WDPCP: variants seen among roughly 807,000 people sequenced by gnomAD.
WDPCP encodes WD repeat containing planar cell polarity effector.
In WDPCP, 71 loss-of-function variants were observed where a neutral mutation model predicts 93.1. The observed-to-expected ratio is 0.76, with a 90% confidence interval of 0.63 to 0.93. WDPCP has a LOEUF of 0.93. Among genes scored for constraint, WDPCP ranks in the 40% least tolerant of loss-of-function variants. WDPCP has a pLI of 0.00. For missense variants in WDPCP, 844 were observed against 887.4 expected (o/e 0.95, Z 0.62); for synonymous variants, 315 against 315.0 (o/e 1.00, Z 0.00).
intron 2 of WDPCP, among the ~76,000 whole-genome samples, chr2:63,807,611 A>AT: frequency 6.6e-6 from 1 of 152,358 alleles, no homozygotes; most frequent in East Asian, 1.9e-4. Flanking sequence ...ATTCTTAATA[A>AT]ATAAATATAA....
In WDPCP at chr2:63,603,655, CTTTTTTT is replaced by C. The variant is rs11297982; in HGVS notation, n.488+46997_488+47003del. Among the ~76,000 whole-genome samples, 6 of 99,110 alleles carry C rather than the reference CTTTTTTT, an allele frequency of 6.1e-5. No homozygotes were observed. In the East Asian group the frequency reaches 2.0e-3, roughly 33 times the overall value. The allele number at this position is 99,110 out of a possible 152,430, so 65.0% of individuals were successfully genotyped here. A position where few individuals can be genotyped will look rare whatever the true frequency, so the allele number is the denominator to read the frequency against. ...TTTATTTAAATCTACCAAGACATTTCTTTTTTTTTTTTTTTTTTTTTTGAGACAGTCT... is the reference window on the plus strand; with the variant it reads ...TTTATTTAAATCTACCAAGACATTTCTTTTTTTTTTTTTTTGAGACAGTCT... On this transcript the variant is annotated intron_variant and non_coding_transcript_variant, in intron 3 of 4. Transcript: ENST00000467687.
intron 1 of WDPCP, among the ~76,000 whole-genome samples, chr2:63,560,542 T>C (rs925995046): frequency 1.3e-5 from 2 of 152,232 alleles, no homozygotes; most frequent in African/African-American, 2.4e-5. Context: ...CATACGTTTA[T>C]TGTGGCACTA....
At chr2:63,840,458 G>A in the WDPCP span, among the ~76,000 whole-genome samples, 6 of 152,198 alleles carry the variant, frequency 3.9e-5, no homozygotes, top group African/African-American at 1.4e-4. Context: ...GGGGATGGTG[G>A]TGGTTCCGGT....
At chr2:63,339,066 C>G (rs1430573186) in intron 12 of WDPCP, among the ~76,000 whole-genome samples, 1 of 152,098 alleles carries the variant, frequency 6.6e-6, no homozygotes, top group African/African-American at 2.4e-5. Context: ...CAGAGTTTTA[C>G]AGTTCTCCTT....
chr2:63,408,442 T>A (rs767618465), intron 9 of WDPCP, among the ~76,000 whole-genome samples: 1 of 151,968 alleles, frequency 6.6e-6, no homozygotes, highest in Non-Finnish European at 1.5e-5. Context: ...GCTCACTATG[T>A]CCCCAAGCAG....
intron 13 of WDPCP, among the ~76,000 whole-genome samples, chr2:63,282,538 T>A (rs1377877612): frequency 6.6e-6 from 1 of 151,958 alleles, no homozygotes; most frequent in African/African-American, 2.4e-5. Flanking sequence ...GACACATAGA[T>A]CGATGGAACA....
chr2:63,342,476 A>T (rs927973482), intron 12 of WDPCP, among the ~76,000 whole-genome samples: 2 of 151,958 alleles, frequency 1.3e-5, no homozygotes, highest in African/African-American at 4.8e-5. Flanking sequence ...TATTTTGCAA[A>T]TTTTTTCCAG....
intron 1 of WDPCP, among the ~76,000 whole-genome samples, chr2:63,542,600 A>G (rs923777229): frequency 6.6e-6 from 1 of 152,232 alleles, no homozygotes; most frequent in African/African-American, 2.4e-5. Context: ...TTTCTGTAAC[A>G]TTTTGTCTAA....
chr2:63,700,199 C>A (rs572408718), intron 2 of WDPCP, among the ~76,000 whole-genome samples: 3 of 144,464 alleles, frequency 2.1e-5, no homozygotes, highest in African/African-American at 7.8e-5. Context: ...GGAGGATCAC[C>A]TGAGCCTGGG....
At chr2:63,328,903 A>G (rs1013233752) in intron 12 of WDPCP, among the ~76,000 whole-genome samples, 12 of 151,714 alleles carry the variant, frequency 7.9e-5, no homozygotes, top group Admixed American at 5.9e-4. Flanking sequence ...AATTTTTTTT[A>G]TCTTTTGTAG....
At chr2:63,436,493 G>T (rs1299065172) in intron 8 of WDPCP, among the ~76,000 whole-genome samples, 2 of 152,064 alleles carry the variant, frequency 1.3e-5, no homozygotes, top group East Asian at 3.9e-4. Context: ...AAAAGGTTAG[G>T]TTAAATACTA....
chr2:63,277,526 A>C lies in WDPCP; in HGVS notation c.1813-18117T>G, dbSNP rs933721716. 1.2e-4 allele frequency among the ~76,000 whole-genome samples: 19 copies of C among 152,298 alleles called. No individual in the cohort carries two copies. In the Middle Eastern group the frequency reaches 0.01, roughly 82 times the overall value. The stretch of plus-strand genomic sequence containing the variant: ...CAGGAAACTCAACTAACACATAAGG[A>C]CTCCCATAAATTTAAGGTAAAGAGG... On this transcript the variant is annotated intron_variant, in intron 13 of 17. Transcript: ENST00000272321.
chr2:63,594,829 C>T (rs575435121), intron 3 of WDPCP: 1 of 374,962 alleles, frequency 2.7e-6, no homozygotes, highest in African/African-American at 2.1e-5. Flanking sequence ...GTGCAACCAG[C>T]AGGTGTCAGT....
At chr2:63,552,271 TTC>T (rs1315927845) in intron 1 of WDPCP, among the ~76,000 whole-genome samples, 1 of 151,298 alleles carries the variant, frequency 6.6e-6, no homozygotes, top group African/African-American at 2.4e-5. Flanking sequence ...TCTCTATTCT[TTC>T]TCTTTTATGT....
At chr2:63,717,468 G>T in intron 2 of WDPCP, 1 of 395,942 alleles carries the variant, frequency 2.5e-6, no homozygotes, top group East Asian at 6.6e-5. Context: ...AAAGAATTAA[G>T]GGCGGCAAAG....
At chr2:63,249,509 A>G (rs1032499217) in intron 14 of WDPCP, among the ~76,000 whole-genome samples, 3 of 152,300 alleles carry the variant, frequency 2.0e-5, no homozygotes, top group East Asian at 3.9e-4. Flanking sequence ...TACAGTGATC[A>G]TGGGTTTTGG....
At chr2:63,231,736 A>T (rs1389704930) in intron 14 of WDPCP, among the ~76,000 whole-genome samples, 1 of 152,152 alleles carries the variant, frequency 6.6e-6, no homozygotes, top group Non-Finnish European at 1.5e-5. Context: ...AATCAATATC[A>T]TGAAAATGGC....
chr2:63,813,011 CTCAGCTAAT>C (rs894358740), intron 2 of WDPCP, among the ~76,000 whole-genome samples: 1 of 151,846 alleles, frequency 6.6e-6, no homozygotes, highest in African/African-American at 2.4e-5. Flanking sequence ...TAACACCACA[CTCAGCTAAT>C]TTAAAAAAAA....
intron 6 of WDPCP, among the ~76,000 whole-genome samples, chr2:63,470,470 C>T (rs756440236): frequency 1.3e-5 from 2 of 152,146 alleles, no homozygotes; most frequent in Non-Finnish European, 1.5e-5. Flanking sequence ...CTATACCCCA[C>T]ATTTGATCCA....
Sources: gnomAD v4.1 joint callset for allele counts (sites outside exome capture counted in the v4.1 genomes callset) on GRCh38, gnomAD v4.1.1 for gene constraint, MANE v1.5 for transcripts, NCBI Gene and HGNC (gene_info 2026-07-23, HGNC 2026-07-21) for gene names.